Variants in LIN7A observed in about 807,000 individuals in gnomAD.
The protein encoded by LIN7A is protein lin-7 homolog A.
Under a neutral mutation model 29.8 loss-of-function variants are expected in LIN7A, and 25 were observed. The ratio of observed to expected loss-of-function variants is 0.84; its 90% CI spans 0.61 to 1.17. The LOEUF is 1.17. Among genes scored for constraint, LIN7A ranks in the 50% most tolerant of loss-of-function variants. LIN7A has a pLI of 0.00. For synonymous variants in LIN7A, 118 were observed against 107.5 expected (o/e 1.10, Z -0.60); for missense variants, 239 against 287.0 (o/e 0.83, Z 1.21).
chr12:80,811,745 A>G (rs1871304048), intron 4 of LIN7A, 62 bp from the exon 5 acceptor site: 3 of 1,549,612 alleles, frequency 1.9e-6, no homozygotes, highest in Admixed American at 2.0e-5. Flanking sequence ...CTGGAGACAA[A>G]TCTGAAATTA....
At chr12:80,913,058 C>CA (rs960029981) in intron 1 of LIN7A, among the ~76,000 whole-genome samples, 7 of 152,110 alleles carry the variant, frequency 4.6e-5, no homozygotes, top group Admixed American at 2.6e-4. Context: ...TCACAAGCTA[C>CA]AAAAAACAGT....
chr12:80,807,077 T>TTTTTTTTGTTGTTG lies in LIN7A; in HGVS notation c.*4387_*4388insCAACAACAAAAAAA, dbSNP rs1565883827. On this transcript the variant is annotated intron_variant, in intron 5 of 5. Transcript: ENST00000552864. Reference sequence around the variant, plus strand: ...ATGAAGATGGAGTTTTTTTTTTTTTTTTTTTTTTTTTTTTGACGGAGTCTC... The same window carrying TTTTTTTTGTTGTTG: ...ATGAAGATGGAGTTTTTTTTTTTTTTTTTTTTTGTTGTTGTTTTTTTTTTTTTTGACGGAGTCTC... Among the ~76,000 whole-genome samples, 438 of 115,552 alleles carry TTTTTTTTGTTGTTG rather than the reference T, an allele frequency of 3.8e-3. 19 individuals carry two copies. The highest frequency in any genetic ancestry group is 0.022 in the East Asian group (85 of 3,782). The allele number at this position is 115,552 out of a possible 152,430, so 75.8% of individuals were successfully genotyped here.
chr12:80,821,957 CAG>C (rs908736768), intron 4 of LIN7A, among the ~76,000 whole-genome samples: 2 of 152,196 alleles, frequency 1.3e-5, no homozygotes, highest in African/African-American at 4.8e-5. Context: ...TGTGTGCACT[CAG>C]GGGAGCACTG....
chr12:80,830,273 C>T (rs1033327738), intron 4 of LIN7A, among the ~76,000 whole-genome samples: 2 of 152,242 alleles, frequency 1.3e-5, no homozygotes, highest in African/African-American at 4.8e-5. Context: ...CTGTGTTATG[C>T]CATTTAAACA....
chr12:80,811,509 G>A lies in LIN7A; in HGVS notation c.658C>T (p.Gln220Ter). Residue 220 changes from glutamine (Q) to a stop codon, truncating the protein, a stop_gained, in exon 5 of 6, where the codon CAA becomes TAA. Coordinates refer to ENST00000552864, the MANE Select transcript of LIN7A (RefSeq NM_004664.4). LOFTEE classifies it high-confidence loss of function. ...TGTGTTTGTTGCTGCTGCTGCTGTT[G>A]CTGCTGCTGAATTAGCAATTGCTGC... ...QQQQLLIQQQQQQQQQQTQQN... is the reference protein window; with the variant it reads ...QQQQLLIQQQ 6.2e-7 allele frequency: 1 copy of A among 1,600,186 alleles called. No homozygotes were observed. Among genetic ancestry groups the A allele is most frequent in the Non-Finnish European group, 8.5e-7 (1 of 1,170,788 alleles).
intron 2 of LIN7A, among the ~76,000 whole-genome samples, chr12:80,853,501 G>A (rs962263002): frequency 2.6e-5 from 4 of 152,168 alleles, no homozygotes; most frequent in Non-Finnish European, 5.9e-5. Flanking sequence ...AATGGGTTAA[G>A]TATTTGAACA....
In LIN7A at chr12:80,795,089, G is replaced by A. The variant is rs1468509565; in HGVS notation, c.*2638C>T. The A allele has an allele frequency of 6.6e-6, 1 of 152,058 alleles. No individual in the cohort carries two copies. Among genetic ancestry groups the A allele is most frequent in the African/African-American group, 2.4e-5 (1 of 41,418 alleles). 9.4% of individuals were successfully genotyped at this position (152,058 alleles called of 1,614,324 possible). A position where few individuals can be genotyped will look rare whatever the true frequency, so the allele number is the denominator to read the frequency against. On this transcript the variant is annotated 3_prime_UTR_variant, in exon 6 of 6. Coordinates refer to ENST00000552864, the MANE Select transcript of LIN7A (RefSeq NM_004664.4). ...ACATTGAATTGAGCTTCATGTCAGA[G>A]CAATGCAGGTTTTTATTTTAATATA... is the stretch of plus-strand genomic sequence containing the variant.
At chr12:80,864,447 G>A (rs1269300680) in intron 2 of LIN7A, among the ~76,000 whole-genome samples, 1 of 151,680 alleles carries the variant, frequency 6.6e-6, no homozygotes, top group Non-Finnish European at 1.5e-5. Flanking sequence ...TTTTTGTTTT[G>A]AAAAATGATT....
At chr12:80,904,036 T>A (rs1328769240) in intron 1 of LIN7A, among the ~76,000 whole-genome samples, 1 of 152,144 alleles carries the variant, frequency 6.6e-6, no homozygotes, top group Non-Finnish European at 1.5e-5. Context: ...TTTTAAACTT[T>A]TTTCTATGTG....
chr12:80,852,279 T>A (rs1873371627), intron 2 of LIN7A, among the ~76,000 whole-genome samples: 1 of 152,160 alleles, frequency 6.6e-6, no homozygotes, highest in Admixed American at 6.6e-5. Flanking sequence ...TTTACCAAGT[T>A]TACATACACA....
chr12:80,899,854 C>T (rs1477350733), intron 1 of LIN7A, among the ~76,000 whole-genome samples: 2 of 137,888 alleles, frequency 1.5e-5, no homozygotes, highest in Non-Finnish European at 3.1e-5. Flanking sequence ...CTGCAAGCTC[C>T]GCCCCCAGGT....
At chr12:80,885,975 A>G (rs975915686) in intron 2 of LIN7A, among the ~76,000 whole-genome samples, 3 of 152,208 alleles carry the variant, frequency 2.0e-5, no homozygotes, top group South Asian at 2.1e-4. Context: ...TTTTTTGAGC[A>G]TAATTTATGT....
intron 5 of LIN7A, among the ~76,000 whole-genome samples, chr12:80,804,557 G>A (rs973678251): frequency 1.4e-3 from 212 of 146,914 alleles, no homozygotes; most frequent in African/African-American, 5.2e-3. Context: ...TTTTTTTTCT[G>A]AGACAGAGTC....
rs374349839 is a variant in LIN7A, at chr12:80,807,063, G to GTTTTTTTTTGTTTTTTTTTGT, written c.*4401_*4402insACAAAAAAAAACAAAAAAAAA. Among the ~76,000 whole-genome samples the GTTTTTTTTTGTTTTTTTTTGT allele has an allele frequency of 2.6e-4, 14 of 53,590 alleles. 1 individual carries two copies. Among genetic ancestry groups the GTTTTTTTTTGTTTTTTTTTGT allele is most frequent in the Admixed American group, 1.6e-3 (7 of 4,502 alleles). The allele number at this position is 53,590 out of a possible 152,430, so 35.2% of individuals were successfully genotyped here. On this transcript the variant is annotated intron_variant, in intron 5 of 5. Transcript: ENST00000552864. ...CCATAGGAAATTTAATGAAGATGGAGTTTTTTTTTTTTTTTTTTTTTTTTT... is the reference window on the plus strand; with the variant it reads ...CCATAGGAAATTTAATGAAGATGGAGTTTTTTTTTGTTTTTTTTTGTTTTTTTTTTTTTTTTTTTTTTTTTT...
At chr12:80,856,775 G>A (rs1202226123) in intron 2 of LIN7A, among the ~76,000 whole-genome samples, 8 of 152,116 alleles carry the variant, frequency 5.3e-5, no homozygotes, top group Non-Finnish European at 1.0e-4. Flanking sequence ...TACTTCAGTC[G>A]TATCCTGACA....
chr12:80,826,600 G>A (rs946324766), intron 4 of LIN7A, among the ~76,000 whole-genome samples: 4 of 152,002 alleles, frequency 2.6e-5, no homozygotes, highest in African/African-American at 9.7e-5. Flanking sequence ...TTGGCTCACT[G>A]CAACTTTCCC....
At position 80,845,874 on chromosome 12, in the gene LIN7A, C is replaced by A. The variant is rs770345364; in HGVS notation, c.339G>T (p.Lys113Asn). ...HSHPRVVELP[K>N]TDEGLGFNVM... ...CATTAAAACCAAGGCCTTCATCAGT[C>A]TTTGGCAGTTCAACTACTCGAGGGT... The change falls in exon 4 of 6, where the codon AAG becomes AAT. Residue 113 changes from lysine (K) to asparagine (N), a missense_variant. Physicochemically the swap from Lys to Asn is moderately conservative, Grantham distance 94. Coordinates refer to ENST00000552864, the MANE Select transcript of LIN7A (RefSeq NM_004664.4). 1.6e-5 allele frequency: 25 copies of A among 1,612,070 alleles called. No homozygotes were observed. In the East Asian group the frequency reaches 4.7e-4, roughly 30 times the overall value.
rs1870342166 is a variant in LIN7A, at chr12:80,794,226, C to T, written c.*3501G>A. 1 of 152,102 alleles carries T rather than the reference C, an allele frequency of 6.6e-6. No homozygotes were observed. Among genetic ancestry groups the T allele is most frequent in the Admixed American group, 6.6e-5 (1 of 15,264 alleles). The allele number at this position is 152,102 out of a possible 1,614,324, so 9.4% of individuals were successfully genotyped here. ...TATTCATCCAACAAATACCGAGTGCCTACATTGTGCCAGGCAGTGGTCAAG... is the reference window on the plus strand; with the variant it reads ...TATTCATCCAACAAATACCGAGTGCTTACATTGTGCCAGGCAGTGGTCAAG... On this transcript the variant is annotated 3_prime_UTR_variant, in exon 6 of 6. Transcript: ENST00000552864.
intron 4 of LIN7A, among the ~76,000 whole-genome samples, chr12:80,835,018 G>A (rs1872543259): frequency 6.6e-6 from 1 of 152,122 alleles, no homozygotes; most frequent in Non-Finnish European, 1.5e-5. Flanking sequence ...AGCAATCACT[G>A]GTAATTGGGC....
Sources: gnomAD v4.1 joint callset for allele counts (sites outside exome capture counted in the v4.1 genomes callset) on GRCh38, gnomAD v4.1.1 for gene constraint, MANE v1.5 for transcripts, NCBI Gene and HGNC (gene_info 2026-07-23, HGNC 2026-07-21) for gene names.